The following TEX11 variants were observed in gnomAD, a reference collection of about 807,000 sequenced individuals.
TEX11 encodes testis expressed 11.
Under a neutral mutation model 84.4 loss-of-function variants are expected in TEX11, and 7 were observed. The ratio of observed to expected loss-of-function variants is 0.08; its 90% confidence interval spans 0.05 to 0.16. The LOEUF (loss-of-function observed/expected upper bound fraction) is 0.16. TEX11 is among the 10% of genes least tolerant of loss of function. The pLI is 1.00. For synonymous variants in TEX11, 264 were observed against 222.8 expected (o/e 1.18, Z -1.64); for missense variants, 551 against 660.5 (o/e 0.83, Z 1.82).
At position 70,605,517 on chromosome X, in the gene TEX11, T is replaced by C. The variant is rs1484944012; in HGVS notation, c.1951A>G (p.Met651Val). Reference sequence around the variant, plus strand: ...TGATCAGAAGGACAAAACTGGGACATCTGATAAGAAGTAACCAGAACATCA... The same window carrying C: ...TGATCAGAAGGACAAAACTGGGACACCTGATAAGAAGTAACCAGAACATCA... ...MREFFILSYK[M>V]SQFCPSDQVI... Residue 651 changes from methionine to valine, a missense_variant and splice_region_variant, in exon 24 of 30, where the codon ATG becomes GTG. Physicochemically the swap from Met to Val is conservative, Grantham distance 21. Transcript: ENST00000374333. 24 of 1,163,395 alleles carry C rather than the reference T, an allele frequency of 2.1e-5. No individual in the cohort carries two copies. The highest frequency in any genetic ancestry group is 2.7e-5 in the Non-Finnish European group (23 of 854,698).
intron 2 of TEX11, among the ~76,000 whole-genome samples, chrX:70,901,750 G>A (rs776814575): frequency 1.4e-4 from 16 of 111,433 alleles, no homozygotes; most frequent in Non-Finnish European, 2.6e-4. Context: ...CGTGGCCCAG[G>A]GGTTGAGGAC....
At chrX:70,627,101 G>T (rs759080471) in intron 18 of TEX11, among the ~76,000 whole-genome samples, 2 of 112,466 alleles carry the variant, frequency 1.8e-5, no homozygotes, top group Non-Finnish European at 3.7e-5. Context: ...TTACGATAAA[G>T]AGGTCATTGG....
chrX:70,640,200 G>A (rs1452172397), intron 17 of TEX11, among the ~76,000 whole-genome samples: 6 of 109,565 alleles, frequency 5.5e-5, no homozygotes, highest in South Asian at 4.0e-4. Context: ...GAAATGAAGC[G>A]AGAAGGAAAG....
Position 70,659,557 on chromosome X carries a change from G to T in TEX11, c.1381-8005C>A, listed in dbSNP as rs1009236945. On this transcript the variant is annotated intron_variant, in intron 16 of 29. Coordinates refer to ENST00000374333, the MANE Select transcript of TEX11 (RefSeq NM_031276.3). ...TTATCAAAAAACTTAAAAACAGTGA[G>T]TGTTGACCAGGATGTGGAGAAATTG... 1.4e-4 allele frequency among the ~76,000 whole-genome samples: 16 copies of T among 112,012 alleles called. No individual in the cohort carries two copies. The Admixed American group carries it at 1.5e-3, about 11-fold the overall frequency.
At chrX:70,693,543 T>C (rs1322798152) in intron 13 of TEX11, among the ~76,000 whole-genome samples, 3 of 111,604 alleles carry the variant, frequency 2.7e-5, no homozygotes, top group Non-Finnish European at 1.9e-5. Context: ...TTCACTTATA[T>C]GTGGTCTCTC....
intron 14 of TEX11, among the ~76,000 whole-genome samples, chrX:70,680,235 T>C (rs1330823578): frequency 0.026 from 1,439 of 55,120 alleles, no homozygotes; most frequent in African/African-American, 0.033. Flanking sequence ...TGTTCTGTAC[T>C]AAGAAAAATT....
chrX:70,864,769 AG>A (rs2091589915), intron 4 of TEX11, among the ~76,000 whole-genome samples: 1 of 108,259 alleles, frequency 9.2e-6, no homozygotes, highest in African/African-American at 3.3e-5. Context: ...AGAAAAGAAA[AG>A]AATTTTCAAC....
intron 25 of TEX11, among the ~76,000 whole-genome samples, chrX:70,570,391 C>T (rs964351479): frequency 2.7e-5 from 3 of 112,105 alleles, no homozygotes; most frequent in Non-Finnish European, 5.6e-5. Flanking sequence ...TGCTTCAGCT[C>T]ACTCACGGTG....
chrX:70,853,200 G>T, intron 6 of TEX11, 47 bp from the exon 7 acceptor site: 1 of 1,207,024 alleles, frequency 8.3e-7, no homozygotes, highest in South Asian at 1.8e-5. Flanking sequence ...AATAACCACA[G>T]ATGTTACTAC....
chrX:70,906,048 T>G (rs2091827530), intron 2 of TEX11, among the ~76,000 whole-genome samples: 1 of 16,149 alleles, frequency 6.2e-5, no homozygotes, highest in Non-Finnish European at 1.1e-4. Context: ...AGCAAAACTC[T>G]GTCTCAAAAA....
At chrX:70,850,308 A>G (rs2091500772) in intron 7 of TEX11, among the ~76,000 whole-genome samples, 1 of 112,122 alleles carries the variant, frequency 8.9e-6, no homozygotes, top group African/African-American at 3.2e-5. Context: ...GATGCCTAGA[A>G]GTTATCACAA....
At chrX:70,673,748 T>C (rs919422637) in intron 15 of TEX11, among the ~76,000 whole-genome samples, 3 of 111,692 alleles carry the variant, frequency 2.7e-5, no homozygotes, top group Non-Finnish European at 3.8e-5. Context: ...GATTATTTTT[T>C]GGTTTTCCAT....
chrX:70,855,680 G>A (rs1041541023), intron 5 of TEX11, among the ~76,000 whole-genome samples: 23 of 111,551 alleles, frequency 2.1e-4, no homozygotes, highest in African/African-American at 7.5e-4. Flanking sequence ...GCAGATAGGG[G>A]CTTTAAGAAG....
At chrX:70,817,252 TATACACACACACAC>T (rs1282400854) in intron 8 of TEX11, among the ~76,000 whole-genome samples, 2 of 95,172 alleles carry the variant, frequency 2.1e-5, no homozygotes, top group Admixed American at 2.3e-4. Context: ...CACATATATA[TATACACACACACAC>T]ACACACACAC....
intron 9 of TEX11, among the ~76,000 whole-genome samples, chrX:70,785,424 T>C (rs766048189): frequency 1.8e-5 from 2 of 111,853 alleles, no homozygotes; most frequent in East Asian, 5.6e-4. Context: ...ACTTCATGAC[T>C]AAAACACCAA....
chrX:70,820,674 G>A (rs190679963), intron 8 of TEX11, among the ~76,000 whole-genome samples: 1 of 110,529 alleles, frequency 9.0e-6, no homozygotes, highest in Admixed American at 9.7e-5. Context: ...TGAGGAGGGA[G>A]GTGCCACACA....
intron 7 of TEX11, among the ~76,000 whole-genome samples, chrX:70,844,221 A>G (rs1361616359): frequency 9.1e-6 from 1 of 110,479 alleles, no homozygotes; most frequent in Non-Finnish European, 1.9e-5. Context: ...TAAATGTCCA[A>G]TAACGATAGA....
At chrX:70,882,260 C>T (rs960111168) in intron 2 of TEX11, among the ~76,000 whole-genome samples, 1 of 110,620 alleles carries the variant, frequency 9.0e-6, no homozygotes, top group African/African-American at 3.3e-5. Flanking sequence ...GTTTAAAGAA[C>T]AGATTTTTAA....
chrX:70,840,366 A>G (rs2091435068), intron 7 of TEX11, among the ~76,000 whole-genome samples: 1 of 111,732 alleles, frequency 8.9e-6, no homozygotes, highest in South Asian at 3.8e-4. Context: ...ACAATCTCAT[A>G]TCCAGCCAAA....
Sources: allele counts gnomAD v4.1 joint callset (sites outside exome capture counted in the v4.1 genomes callset), GRCh38; gene constraint gnomAD v4.1.1; transcripts MANE v1.5; gene names NCBI Gene and HGNC (gene_info 2026-07-23, HGNC 2026-07-21).